The following EDN1 variants were observed in gnomAD, a reference collection of about 807,000 sequenced individuals.
EDN1 encodes the protein endothelin 1, also known as endothelin-1.
Under a neutral mutation model 21.7 loss-of-function variants are expected in EDN1, and 11 were observed. The ratio of observed to expected loss-of-function variants is 0.51; its 90% confidence interval spans 0.32 to 0.84. The LOEUF (loss-of-function observed/expected upper bound fraction) is 0.84. Ranked by LOEUF, EDN1 falls within the 40% of genes least tolerant of loss-of-function variation. The pLI is 0.03. For missense variants in EDN1, 244 were observed against 262.3 expected, an observed-to-expected ratio of 0.93 and a Z score of 0.48; for synonymous variants, 85 against 90.6, an observed-to-expected ratio of 0.94 and a Z score of 0.35.
the EDN1 span, among the ~76,000 whole-genome samples, chr6:12,272,856 T>A: frequency 4.6e-5 from 7 of 152,218 alleles, no homozygotes; most frequent in African/African-American, 7.2e-5. Context: ...CAAAATGGAA[T>A]GTCAGGTGTG....
chr6:12,278,781 C>G, the EDN1 span, among the ~76,000 whole-genome samples: 1 of 152,044 alleles, frequency 6.6e-6, no homozygotes, highest in African/African-American at 2.4e-5. Context: ...CCTGTAATTC[C>G]AGCTACTTGG....
upstream of EDN1, among the ~76,000 whole-genome samples, chr6:12,286,780 AG>A (rs1762564386): frequency 6.6e-6 from 1 of 150,774 alleles, no homozygotes. Context: ...CATAAAAAAT[AG>A]TTTTATCAAA....
the EDN1 span, among the ~76,000 whole-genome samples, chr6:12,233,322 AC>A: frequency 9.9e-5 from 15 of 152,190 alleles, no homozygotes; most frequent in African/African-American, 3.6e-4. Flanking sequence ...TGGATGGAGA[AC>A]TTCTTCTGAG....
chr6:12,292,498 C>T lies in EDN1; in HGVS notation c.222C>T (p.Val74=). The stretch of plus-strand genomic sequence containing the variant: ...TCTGCCACCTGGACATCATTTGGGT[C>T]AACACTCCCGAGTAAGTCTCTAGAG... The part of the protein sequence containing the change: ...VYFCHLDIIW[V]NTPEHVVPYG... Residue 74 remains valine, a synonymous_variant, in exon 2 of 5, where the codon GTC becomes GTT. Transcript: ENST00000379375. 4 of 1,614,202 alleles carry T rather than the reference C, an allele frequency of 2.5e-6. No individual in the cohort carries two copies. Among genetic ancestry groups the T allele is most frequent in the Non-Finnish European group, 3.4e-6 (4 of 1,180,034 alleles).
At chr6:12,241,988 C>T in the EDN1 span, among the ~76,000 whole-genome samples, 9 of 152,194 alleles carry the variant, frequency 5.9e-5, no homozygotes, top group Admixed American at 2.0e-4. Context: ...GGAAGTTAAA[C>T]CATAACCCCG....
At chr6:12,295,148 C>A (rs1461920606) in intron 4 of EDN1, among the ~76,000 whole-genome samples, 2 of 152,010 alleles carry the variant, frequency 1.3e-5, no homozygotes, top group Non-Finnish European at 1.5e-5. Context: ...TCTGATCTAC[C>A]ACATGTTCTG....
At chr6:12,256,054 C>CA in the EDN1 span, among the ~76,000 whole-genome samples, 3 of 152,198 alleles carry the variant, frequency 2.0e-5, no homozygotes, top group Non-Finnish European at 1.5e-5. Context: ...GCACAGGAAA[C>CA]AAGACGGCTT....
chr6:12,276,390 G>T, the EDN1 span, among the ~76,000 whole-genome samples: 3 of 152,118 alleles, frequency 2.0e-5, no homozygotes, highest in African/African-American at 7.2e-5. Context: ...AAGTTTTACT[G>T]AGTACCTTCT....
upstream of EDN1, among the ~76,000 whole-genome samples, chr6:12,286,382 G>C (rs1321811608): frequency 6.6e-6 from 1 of 152,210 alleles, no homozygotes; most frequent in Non-Finnish European, 1.5e-5. Context: ...TCCTGGAGAT[G>C]TGTGATGTGT....
chr6:12,288,067 TC>T (rs546736904), upstream of EDN1, among the ~76,000 whole-genome samples: 2 of 152,028 alleles, frequency 1.3e-5, no homozygotes, highest in South Asian at 4.2e-4. Flanking sequence ...AGGGGCAGCC[TC>T]AGCAAGGTGG....
rs897521262 is a variant in EDN1 at position 12,296,391 on chromosome 6, G to A, written c.*324G>A. On this transcript the variant is annotated 3_prime_UTR_variant, in exon 5 of 5. Coordinates refer to ENST00000379375, the MANE Select transcript of EDN1 (RefSeq NM_001955.5). ...GAGAGAGGAAGGAGATTCCACACAG[G>A]GGTGGAGTTTCTGACGAAGGTCCTA... The A allele has an allele frequency of 2.6e-5, 8 of 307,642 alleles. No homozygotes were observed. The highest frequency in any genetic ancestry group is 5.1e-5 in the Non-Finnish European group (8 of 156,506). 19.1% of individuals were successfully genotyped at this position (307,642 alleles called of 1,614,324 possible).
rs755650656 is a variant in EDN1, at chr6:12,292,379, G to A, written c.103G>A (p.Gly35Ser). Reference sequence around the variant, plus strand: ...TGAGCTCAGCGCGGTGGGTGAGAACGGCGGGGAGAAACCCACTCCCAGTCC... The same window carrying A: ...TGAGCTCAGCGCGGTGGGTGAGAACAGCGGGGAGAAACCCACTCCCAGTCC... ...GAELSAVGEN[G>S]GEKPTPSPPW... Residue 35 changes from glycine to serine, a missense_variant, in exon 2 of 5, where the codon GGC (glycine) becomes AGC (serine). By Grantham distance (56) the Gly-to-Ser change is moderately conservative (BLOSUM62 0). Coordinates refer to ENST00000379375, the MANE Select transcript of EDN1 (RefSeq NM_001955.5). The A allele has an allele frequency of 1.9e-6, 3 of 1,613,950 alleles. No individual in the cohort carries two copies. The highest frequency in any genetic ancestry group is 1.7e-5 in the Admixed American group (1 of 60,032).
chr6:12,258,895 G>T, the EDN1 span, among the ~76,000 whole-genome samples: 2 of 152,152 alleles, frequency 1.3e-5, no homozygotes, highest in Non-Finnish European at 2.9e-5. Context: ...ACCCACAGGA[G>T]CAATCTAGTG....
At chr6:12,285,610 T>G (rs1157762718), upstream of EDN1, among the ~76,000 whole-genome samples, 1 of 152,202 alleles carries the variant, frequency 6.6e-6, no homozygotes, top group Admixed American at 6.5e-5. Context: ...TCACTCTTGT[T>G]GCCCAGGCTG....
chr6:12,262,828 C>T, the EDN1 span, among the ~76,000 whole-genome samples: 15 of 149,310 alleles, frequency 1.0e-4, no homozygotes, highest in Admixed American at 9.4e-4. Flanking sequence ...GCCGAGATTG[C>T]GCCATTGCAC....
chr6:12,283,956 G>A, the EDN1 span, among the ~76,000 whole-genome samples: 6 of 152,286 alleles, frequency 3.9e-5, no homozygotes, highest in African/African-American at 1.4e-4. Context: ...TTTGTACATA[G>A]TGTCTTCATA....
the EDN1 span, among the ~76,000 whole-genome samples, chr6:12,231,797 T>C: frequency 6.6e-6 from 1 of 152,154 alleles, no homozygotes. Context: ...GTAATTTTTC[T>C]TTATAATAAG....
chr6:12,249,672 C>G, the EDN1 span, among the ~76,000 whole-genome samples: 1 of 151,838 alleles, frequency 6.6e-6, no homozygotes, highest in Non-Finnish European at 1.5e-5. Context: ...TTCATTTCAT[C>G]ATTTTATGGC....
the EDN1 span, among the ~76,000 whole-genome samples, chr6:12,280,247 T>A: frequency 6.6e-6 from 1 of 152,200 alleles, no homozygotes; most frequent in Non-Finnish European, 1.5e-5. Flanking sequence ...AAAGCTATAT[T>A]CTCAATGAAG....
Sources: gnomAD v4.1 joint callset for allele counts (sites outside exome capture counted in the v4.1 genomes callset) on GRCh38, gnomAD v4.1.1 for gene constraint, MANE v1.5 for transcripts, NCBI Gene and HGNC (gene_info 2026-07-23, HGNC 2026-07-21) for gene names.